The following BBX variants were observed in gnomAD, a reference collection of about 807,000 sequenced individuals.
BBX encodes the protein HMG box transcription factor BBX.
In BBX, 30 loss-of-function variants were observed where a neutral mutation model predicts 100.2. The ratio of observed to expected loss-of-function variants is 0.30; its 90% CI spans 0.22 to 0.41. The LOEUF (loss-of-function observed/expected upper bound fraction) is 0.41. Among genes scored for constraint, BBX ranks in the 10% least tolerant of loss-of-function variants. BBX has a pLI of 1.00. For missense variants in BBX, 1,023 were observed against 1,129.8 expected (o/e 0.91, Z 1.35); for synonymous variants, 376 against 388.1 (o/e 0.97, Z 0.37).
chr3:107,603,419 C>T (rs954915596), intron 2 of BBX, among the ~76,000 whole-genome samples: 1 of 150,600 alleles, frequency 6.6e-6, no homozygotes, highest in Non-Finnish European at 1.5e-5. Flanking sequence ...CGCTCTGTCG[C>T]CCAGGCTGGA....
At chr3:107,567,174 TTGGCTGCTGTGCAGCCA>T (rs1354225463) in intron 2 of BBX, among the ~76,000 whole-genome samples, 3 of 152,188 alleles carry the variant, frequency 2.0e-5, no homozygotes, top group Non-Finnish European at 4.4e-5. Flanking sequence ...ACTTTCTTTG[TTGGCTGCTGTGCAGCCA>T]TTCTCTGTGA....
intron 3 of BBX, among the ~76,000 whole-genome samples, chr3:107,666,335 A>G (rs1462571302): frequency 6.6e-6 from 1 of 152,216 alleles, no homozygotes; most frequent in Non-Finnish European, 1.5e-5. Context: ...TGTTGTGCTT[A>G]GCCAGTGGAC....
intron 4 of BBX, among the ~76,000 whole-genome samples, chr3:107,711,840 CT>C (rs2061742060): frequency 6.6e-6 from 1 of 151,604 alleles, no homozygotes; most frequent in Admixed American, 6.6e-5. Context: ...TCTCTTCCTT[CT>C]TTCCTTTGGC....
chr3:107,681,567 G>A (rs1355708175), intron 3 of BBX, among the ~76,000 whole-genome samples: 1 of 152,020 alleles, frequency 6.6e-6, no homozygotes, highest in African/African-American at 2.4e-5. Flanking sequence ...AAACAGCCTT[G>A]CCAAGTAAGG....
intron 2 of BBX, among the ~76,000 whole-genome samples, chr3:107,593,509 A>G (rs888259948): frequency 6.6e-6 from 1 of 152,226 alleles, no homozygotes. Flanking sequence ...AAACTTTCAA[A>G]TAGTTTTTCT....
intron 3 of BBX, among the ~76,000 whole-genome samples, chr3:107,699,581 GT>G (rs1429461656): frequency 6.6e-6 from 1 of 151,952 alleles, no homozygotes; most frequent in Non-Finnish European, 1.5e-5. Context: ...AACCAACCTT[GT>G]GGGGCTGGAG....
intron 2 of BBX, among the ~76,000 whole-genome samples, chr3:107,627,097 G>A (rs951078992): frequency 2.6e-5 from 4 of 152,066 alleles, no homozygotes; most frequent in African/African-American, 7.2e-5. Context: ...CTGCTTACAC[G>A]GGTCAGCCCT....
Position 107,808,108 on chromosome 3 carries a change from G to T in BBX, c.*2651G>T, listed in dbSNP as rs2071149866. ...ATTAGTGCTCTCCACCCCACCTTTT[G>T]TTATCATTTTCATTTCATTTCTCTC... is the stretch of plus-strand genomic sequence containing the variant. On this transcript the variant is annotated 3_prime_UTR_variant, in exon 18 of 18. Coordinates refer to ENST00000325805, the MANE Select transcript of BBX (RefSeq NM_001142568.3). 1 of 152,036 alleles carries T rather than the reference G, an allele frequency of 6.6e-6. No individual in the cohort carries two copies. The highest frequency in any genetic ancestry group is 1.5e-5 in the Non-Finnish European group (1 of 67,984). 9.4% of individuals were successfully genotyped at this position (152,036 alleles called of 1,614,324 possible).
At chr3:107,740,174 G>C (rs2063965553) in intron 7 of BBX, among the ~76,000 whole-genome samples, 1 of 151,958 alleles carries the variant, frequency 6.6e-6, no homozygotes, top group African/African-American at 2.4e-5. Context: ...GTGTCAGGTA[G>C]CCGAGTGCAG....
chr3:107,618,990 A>G (rs1477140683), intron 2 of BBX, among the ~76,000 whole-genome samples: 1 of 152,010 alleles, frequency 6.6e-6, no homozygotes, highest in Non-Finnish European at 1.5e-5. Context: ...GAAAGGTGTC[A>G]GTGTTTCTTA....
chr3:107,719,388 G>A (rs1159230620), intron 5 of BBX, among the ~76,000 whole-genome samples: 1 of 151,920 alleles, frequency 6.6e-6, no homozygotes, highest in Non-Finnish European at 1.5e-5. Context: ...TTTAAAAGAA[G>A]TATATTTTAA....
chr3:107,644,478 G>A (rs755870699), intron 2 of BBX, among the ~76,000 whole-genome samples: 2 of 151,988 alleles, frequency 1.3e-5, no homozygotes, highest in African/African-American at 2.4e-5. Context: ...TACTTTCATA[G>A]ATGTATATGA....
intron 2 of BBX, among the ~76,000 whole-genome samples, chr3:107,597,260 A>G (rs2053725911): frequency 6.6e-6 from 1 of 152,100 alleles, no homozygotes; most frequent in African/African-American, 2.4e-5. Flanking sequence ...TTATCTTTAT[A>G]TATTGTTATG....
chr3:107,798,815 A>G, intron 16 of BBX, 95 bp downstream of exon 16: 1 of 1,202,088 alleles, frequency 8.3e-7, no homozygotes, highest in South Asian at 1.4e-5. Context: ...AATGAAATAC[A>G]CTAACAATAG....
At chr3:107,667,645 C>T (rs1288910201) in intron 3 of BBX, among the ~76,000 whole-genome samples, 1 of 151,618 alleles carries the variant, frequency 6.6e-6, no homozygotes, top group African/African-American at 2.4e-5. Flanking sequence ...TTTATAAATG[C>T]TAAATTAAGA....
At chr3:107,685,543 G>T (rs1372205460) in intron 3 of BBX, among the ~76,000 whole-genome samples, 2 of 152,100 alleles carry the variant, frequency 1.3e-5, no homozygotes, top group African/African-American at 2.4e-5. Flanking sequence ...ATCAGCTCTC[G>T]CCAGTGATGC....
intron 3 of BBX, among the ~76,000 whole-genome samples, chr3:107,698,041 C>T (rs1042861725): frequency 2.6e-5 from 4 of 151,872 alleles, no homozygotes; most frequent in African/African-American, 4.9e-5. Flanking sequence ...GGCAATGCCT[C>T]GCCCTGCTTT....
chr3:107,527,933 AAACT>A (rs1486074393), intron 2 of BBX, among the ~76,000 whole-genome samples: 8 of 152,222 alleles, frequency 5.3e-5, no homozygotes, highest in African/African-American at 1.9e-4. Context: ...TCATTGCAAC[AAACT>A]GTTAATATTC....
At chr3:107,714,930 C>T (rs1046749500) in intron 4 of BBX, among the ~76,000 whole-genome samples, 1 of 152,002 alleles carries the variant, frequency 6.6e-6, no homozygotes, top group Non-Finnish European at 1.5e-5. Flanking sequence ...GGACTACAGG[C>T]ACGCGCCACC....
Sources: gnomAD v4.1 joint callset for allele counts (sites outside exome capture counted in the v4.1 genomes callset) on GRCh38, gnomAD v4.1.1 for gene constraint, MANE v1.5 for transcripts, NCBI Gene and HGNC (gene_info 2026-07-23, HGNC 2026-07-21) for gene names.